The following NR4A3 variants were observed in gnomAD, a reference collection of about 807,000 sequenced individuals.
NR4A3 encodes nuclear receptor subfamily 4 group A member 3, also known as chondrosarcoma, extraskeletal myxoid, fused to EWS.
NR4A3 carries 13 observed loss-of-function variants against 55.6 expected under a neutral mutation model. The observed-to-expected ratio is 0.23, with a 90% CI of 0.15 to 0.37. The LOEUF (loss-of-function observed/expected upper bound fraction) is 0.37, where lower values mean the gene tolerates loss of function less well. NR4A3 is among the 10% of genes least tolerant of loss of function. NR4A3 has a pLI of 1.00. For missense variants in NR4A3, 646 were observed against 822.8 expected (o/e 0.79, Z 2.63); for synonymous variants, 342 against 357.9 (o/e 0.96, Z 0.50).
intron 2 of NR4A3, chr9:99,826,917 A>G: frequency 9.7e-7 from 1 of 1,026,802 alleles, no homozygotes; most frequent in South Asian, 1.5e-5. Context: ...GCTCAGAAAA[A>G]CCAACCACCA....
intron 5 of NR4A3, among the ~76,000 whole-genome samples, chr9:99,843,128 G>A (rs1391040542): frequency 6.6e-6 from 1 of 152,180 alleles, no homozygotes; most frequent in Non-Finnish European, 1.5e-5. Context: ...GGTTCCACCA[G>A]AATTTCTGAA....
intron 5 of NR4A3, among the ~76,000 whole-genome samples, chr9:99,842,925 G>T (rs1410404550): frequency 6.6e-6 from 1 of 152,204 alleles, no homozygotes; most frequent in Non-Finnish European, 1.5e-5. Flanking sequence ...TACCCATGAG[G>T]ATCAGTTCAG....
intron 1 of NR4A3, among the ~76,000 whole-genome samples, chr9:99,823,958 G>T (rs1410210534): frequency 6.6e-6 from 1 of 152,084 alleles, no homozygotes; most frequent in Non-Finnish European, 1.5e-5. Context: ...GCGTTTCACG[G>T]TTTCCTCCAC....
At chr9:99,844,606 C>T (rs371666402) in intron 5 of NR4A3, 43 bp from the exon 6 acceptor site, 2 of 1,526,364 alleles carry the variant, frequency 1.3e-6, no homozygotes, top group African/African-American at 1.4e-5. Flanking sequence ...CCATCATCCC[C>T]ACTGAAGCAG....
At position 99,866,547 on chromosome 9, in the gene NR4A3, T is replaced by A. The variant is rs774072725; in HGVS notation, c.*2680T>A. On this transcript the variant is annotated 3_prime_UTR_variant, in exon 8 of 8. Coordinates refer to ENST00000395097, the MANE Select transcript of NR4A3 (RefSeq NM_006981.4). ...TATGAGAGCCTCCCAAGTCATCTTA[T>A]CAACTCAACTCCCTTTTTTTTGTCT... 4.4e-6 allele frequency: 1 copy of A among 228,654 alleles called. No individual in the cohort carries two copies. Among genetic ancestry groups the A allele is most frequent in the African/African-American group, 2.2e-5 (1 of 45,084 alleles). The allele number at this position is 228,654 out of a possible 1,614,324, so 14.2% of individuals were successfully genotyped here. A position where few individuals can be genotyped will look rare whatever the true frequency, so the allele number is the denominator to read the frequency against.
intron 2 of NR4A3, chr9:99,826,601 TC>T: frequency 1.6e-6 from 1 of 613,350 alleles, no homozygotes; most frequent in Non-Finnish European, 2.9e-6. Flanking sequence ...GATTAGCCTT[TC>T]ATTTCATCCC....
intron 3 of NR4A3, among the ~76,000 whole-genome samples, chr9:99,831,616 T>C (rs1481473473): frequency 6.6e-6 from 1 of 152,240 alleles, no homozygotes; most frequent in East Asian, 1.9e-4. Flanking sequence ...CCTGGATTTA[T>C]TTTCTTTTTT....
chr9:99,832,604 T>C, intron 3 of NR4A3, 85 bp from the exon 4 acceptor site: 2 of 1,198,146 alleles, frequency 1.7e-6, no homozygotes, highest in South Asian at 4.0e-5. Flanking sequence ...CTGTCGCTTT[T>C]CACATTGTAA....
In NR4A3 at chr9:99,828,102, G is replaced by C. The variant is rs889588063; in HGVS notation, c.60G>C (p.Gln20His). The C allele has an allele frequency of 1.9e-6, 3 of 1,614,090 alleles. No individual in the cohort carries two copies. Among genetic ancestry groups the C allele is most frequent in the Non-Finnish European group, 2.5e-6 (3 of 1,180,018 alleles). Reference sequence around the variant, plus strand: ...CTCCAGGTTCCAGTTATGCGGCGCAGACATACAGCTCGGAATACACCACGG... The same window carrying C: ...CTCCAGGTTCCAGTTATGCGGCGCACACATACAGCTCGGAATACACCACGG... ...PSPPGSSYAA[Q>H]TYSSEYTTEI... The change falls in exon 3 of 8, where the codon CAG becomes CAC. Residue 20 changes from glutamine (Q) to histidine (H), a missense_variant. By Grantham distance (24) the Gln-to-His change is conservative (BLOSUM62 0). This residue lies in a region of NR4A3 where 426 missense variants were observed against 429.4 expected (regional missense o/e 0.99). Coordinates refer to ENST00000395097, the MANE Select transcript of NR4A3 (RefSeq NM_006981.4). This position sits in a 1 kb window ranked among gnomAD's most constrained non-coding sequence, Gnocchi z 7.7.
At position 99,865,773 on chromosome 9, in the gene NR4A3, G is replaced by A. The variant is rs962989042; in HGVS notation, c.*1906G>A. ...TAGGAAATCATATGTTTTTTTCCAA[G>A]AGTCATTCTAATATTTGATTATGTT... On this transcript the variant is annotated 3_prime_UTR_variant, in exon 8 of 8. Coordinates refer to ENST00000395097, the MANE Select transcript of NR4A3 (RefSeq NM_006981.4). The surrounding 1 kb of genome is among the most constrained non-coding windows in gnomAD (Gnocchi z 4.3). 1 of 208,420 alleles carries A rather than the reference G, an allele frequency of 4.8e-6. No homozygotes were observed. Among genetic ancestry groups the A allele is most frequent in the African/African-American group, 2.3e-5 (1 of 43,938 alleles). 12.9% of individuals were successfully genotyped at this position (208,420 alleles called of 1,614,324 possible). A position where few individuals can be genotyped will look rare whatever the true frequency, so the allele number is the denominator to read the frequency against.
intron 7 of NR4A3, among the ~76,000 whole-genome samples, chr9:99,850,881 A>G (rs531212916): frequency 3.3e-5 from 5 of 152,306 alleles, no homozygotes; most frequent in African/African-American, 1.2e-4. Context: ...CAAGTTAGGC[A>G]TATGCCTTCC....
At position 99,828,485 on chromosome 9, in the gene NR4A3, T is replaced by A. The variant is rs773497033; in HGVS notation, c.443T>A (p.Phe148Tyr). ...SPPSTPTTPA[F>Y]PPQAGALWDE... ...CCGTCCACCCCCACCACGCCGGCCT[T>A]CCCCCCGCAGGCGGGGGCGTTATGG... The change falls in exon 3 of 8, where the codon TTC (phenylalanine) becomes TAC (tyrosine). Residue 148 changes from phenylalanine (F) to tyrosine (Y), a missense_variant. Phe to Tyr is a conservative substitution (Grantham distance 22). Coordinates refer to ENST00000395097, the MANE Select transcript of NR4A3 (RefSeq NM_006981.4). The surrounding 1 kb of genome is among the most constrained non-coding windows in gnomAD (Gnocchi z 7.7). The A allele has an allele frequency of 1.3e-6, 2 of 1,564,660 alleles. No homozygotes were observed. The highest frequency in any genetic ancestry group is 3.7e-5 in the Admixed American group (2 of 53,472).
chr9:99,845,796 AT>A (rs1326202017), intron 6 of NR4A3, among the ~76,000 whole-genome samples: 5 of 152,214 alleles, frequency 3.3e-5, no homozygotes, highest in Non-Finnish European at 5.9e-5. Flanking sequence ...ATCAGGGTCC[AT>A]GTTTTATACT....
chr9:99,851,657 G>A (rs905461545), intron 7 of NR4A3, among the ~76,000 whole-genome samples: 6 of 152,160 alleles, frequency 3.9e-5, no homozygotes, highest in Non-Finnish European at 8.8e-5. Flanking sequence ...CTTTCCTGCA[G>A]TAAACAGGGG....
At chr9:99,834,084 C>A in intron 5 of NR4A3, 1 of 1,006,378 alleles carries the variant, frequency 9.9e-7, no homozygotes. Context: ...ACCAGTCACA[C>A]AAGAATGATG....
At chr9:99,860,764 G>A (rs946957983) in intron 7 of NR4A3, among the ~76,000 whole-genome samples, 1 of 152,198 alleles carries the variant, frequency 6.6e-6, no homozygotes, top group South Asian at 2.1e-4. Context: ...ATTAGGCCAC[G>A]AATTGCTTTT....
chr9:99,842,794 C>T (rs1184467888), intron 5 of NR4A3, among the ~76,000 whole-genome samples: 1 of 151,918 alleles, frequency 6.6e-6, no homozygotes, highest in African/African-American at 2.4e-5. Context: ...AGGGGTAAAA[C>T]TTGAAATCAC....
Position 99,833,318 on chromosome 9 carries a change from G to A in NR4A3, c.1118G>A (p.Arg373His). The A allele has an allele frequency of 1.2e-6, 2 of 1,613,776 alleles. No individual in the cohort carries two copies. Among genetic ancestry groups the A allele is most frequent in the Non-Finnish European group, 1.7e-6 (2 of 1,179,818 alleles). The change falls in exon 5 of 8, where the codon CGT (arginine) becomes CAT (histidine). Residue 373 changes from arginine to histidine, a missense_variant. Around this residue, in one of 5 missense-constraint regions of NR4A3, gnomAD observed 44 missense variants for 119.3 expected, o/e 0.37. Coordinates refer to ENST00000395097, the MANE Select transcript of NR4A3 (RefSeq NM_006981.4). Reference sequence around the variant, plus strand: ...GATAGTCTGAAAGGGAGGAGAGGTCGTCTGCCTTCCAAACCAAAGAGCCCA... The same window carrying A: ...GATAGTCTGAAAGGGAGGAGAGGTCATCTGCCTTCCAAACCAAAGAGCCCA... ...RTDSLKGRRG[R>H]LPSKPKSPLQ...
At chr9:99,844,935 T>C (rs1827727993) in intron 6 of NR4A3, 87 bp downstream of exon 6, 1 of 1,045,844 alleles carries the variant, frequency 9.6e-7, no homozygotes, top group Non-Finnish European at 1.5e-6. Context: ...TGGTGAAACG[T>C]TTTCTCAAGA....
Sources: gnomAD v4.1 joint callset for allele counts (sites outside exome capture counted in the v4.1 genomes callset) on GRCh38, gnomAD v4.1.1 for gene constraint, gnomAD v4.1.1 regional missense constraint, Gnocchi (gnomAD v3.1) non-coding constraint, MANE v1.5 for transcripts, NCBI Gene and HGNC (gene_info 2026-07-23, HGNC 2026-07-21) for gene names.